Variants in CHD7 observed in about 807,000 individuals in gnomAD.
CHD7 encodes the protein ATP-dependent chromatin remodeler CHD7.
Under a neutral mutation model 307.3 loss-of-function variants are expected in CHD7, and 24 were observed. The observed-to-expected ratio is 0.08, with a 90% CI of 0.06 to 0.11. The LOEUF (loss-of-function observed/expected upper bound fraction) is 0.11, where lower values mean the gene tolerates loss of function less well. CHD7 is among the 10% of genes least tolerant of loss of function. The pLI is 1.00. For missense variants in CHD7, 3,106 were observed against 3,727.1 expected (o/e 0.83, Z 4.34); for synonymous variants, 1,363 against 1,349.9 (o/e 1.01, Z -0.21).
chr8:60,848,987 TA>T, intron 24 of CHD7, 63 bp from the exon 25 acceptor site: 2 of 1,231,548 alleles, frequency 1.6e-6, no homozygotes, highest in South Asian at 2.4e-5. Flanking sequence ...GTGAGCTATG[TA>T]TCACATTCAT....
rs369802331 is a variant in CHD7 at position 60,763,376 on chromosome 8, A to G, written c.1666-17624A>G. Among the ~76,000 whole-genome samples the G allele has an allele frequency of 6.6e-5, 10 of 152,252 alleles. No homozygotes were observed. In the East Asian group the frequency reaches 1.7e-3, roughly 26 times the overall value. Reference sequence around the variant, plus strand: ...CATTCCAGGTACTCAGTAGCCACACATGGCTGGTGGCTGCCACGTCAGACA... The same window carrying G: ...CATTCCAGGTACTCAGTAGCCACACGTGGCTGGTGGCTGCCACGTCAGACA... On this transcript the variant is annotated intron_variant, in intron 2 of 37. Transcript: ENST00000423902.
chr8:60,841,868 C>G lies in CHD7; in HGVS notation c.4666C>G (p.Pro1556Ala). ...NGRNNLVIDT[P>A]RVRKQTRLYS... ...TTAGAACAACCTGGTTATTGATACTCCAAGAGTGAGAAAGCAGACCAGGCT... is the reference window on the plus strand; with the variant it reads ...TTAGAACAACCTGGTTATTGATACTGCAAGAGTGAGAAAGCAGACCAGGCT... Residue 1556 changes from proline (P) to alanine (A), a missense_variant, in exon 21 of 38, where the codon CCA (proline) becomes GCA (alanine). Physicochemically the swap from Pro to Ala is conservative, Grantham distance 27. Transcript: ENST00000423902. The G allele has an allele frequency of 6.2e-7, 1 of 1,608,134 alleles. No individual in the cohort carries two copies. The highest frequency in any genetic ancestry group is 8.5e-7 in the Non-Finnish European group (1 of 1,176,750).
chr8:60,729,415 A>G (rs965560408), intron 1 of CHD7, among the ~76,000 whole-genome samples: 9 of 152,312 alleles, frequency 5.9e-5, no homozygotes, highest in East Asian at 3.9e-4. Context: ...GGAATTTGCT[A>G]TGTTTAGAGA....
intron 1 of CHD7, among the ~76,000 whole-genome samples, chr8:60,681,050 C>T (rs1425074913): frequency 6.6e-6 from 1 of 152,004 alleles, no homozygotes; most frequent in Non-Finnish European, 1.5e-5. Context: ...CCAGTTCTCT[C>T]TCGGTAAGGG....
chr8:60,696,924 C>T lies in CHD7; in HGVS notation c.-175+17842C>T, dbSNP rs62524913. 4.7e-3 allele frequency among the ~76,000 whole-genome samples: 707 copies of T among 150,638 alleles called. 5 individuals carry two copies. Among genetic ancestry groups the T allele is most frequent in the Admixed American group, 9.1e-3 (137 of 15,118 alleles). ...AGAAATTTTGTTTTACAGTAAGTTA[C>T]GTTTAATTGGAACCTCCCCCACTTT... On this transcript the variant is annotated intron_variant, in intron 1 of 37. Coordinates refer to ENST00000423902, the MANE Select transcript of CHD7 (RefSeq NM_017780.4).
At chr8:60,746,928 GT>G (rs1207996319) in intron 2 of CHD7, among the ~76,000 whole-genome samples, 1 of 152,134 alleles carries the variant, frequency 6.6e-6, no homozygotes, top group Non-Finnish European at 1.5e-5. Flanking sequence ...AATTAGAACA[GT>G]TTTTCTCAAA....
chr8:60,697,888 A>G (rs973355091), intron 1 of CHD7, among the ~76,000 whole-genome samples: 1 of 152,246 alleles, frequency 6.6e-6, no homozygotes, highest in African/African-American at 2.4e-5. Context: ...CGTAGAGTAC[A>G]GCATAGGTGG....
intron 1 of CHD7, among the ~76,000 whole-genome samples, chr8:60,725,499 C>G (rs1377714916): frequency 6.6e-6 from 1 of 152,010 alleles, no homozygotes; most frequent in Non-Finnish European, 1.5e-5. Flanking sequence ...TCACAGCATC[C>G]CTGGGAATGA....
intron 2 of CHD7, among the ~76,000 whole-genome samples, chr8:60,762,520 C>A (rs1810264517): frequency 6.6e-6 from 1 of 152,128 alleles, no homozygotes; most frequent in African/African-American, 2.4e-5. Context: ...TTTCTCACCT[C>A]TAACATGGGA....
chr8:60,731,387 T>C (rs1808450686), intron 1 of CHD7, among the ~76,000 whole-genome samples: 1 of 152,210 alleles, frequency 6.6e-6, no homozygotes, highest in Non-Finnish European at 1.5e-5. Context: ...CAGTGCCTGA[T>C]AAATGCTTAG....
At chr8:60,796,393 G>A (rs892084364) in intron 4 of CHD7, among the ~76,000 whole-genome samples, 7 of 152,072 alleles carry the variant, frequency 4.6e-5, no homozygotes, top group African/African-American at 1.7e-4. Context: ...GTGTTTTAAT[G>A]ATTTTGAGTT....
chr8:60,752,462 C>T (rs1031658591), intron 2 of CHD7, among the ~76,000 whole-genome samples: 2 of 152,210 alleles, frequency 1.3e-5, no homozygotes, highest in Admixed American at 1.3e-4. Flanking sequence ...GTTCTGGCCT[C>T]TTGCCAGCGG....
At chr8:60,689,620 C>T (rs1286370470) in intron 1 of CHD7, among the ~76,000 whole-genome samples, 2 of 152,216 alleles carry the variant, frequency 1.3e-5, no homozygotes, top group African/African-American at 2.4e-5. Context: ...CAACAAACAT[C>T]ATGATCTTAC....
Position 60,856,745 on chromosome 8 carries a change from C to G in CHD7, c.7465C>G (p.Leu2489Val). The change falls in exon 34 of 38, where the codon CTT (leucine) becomes GTT (valine). Residue 2489 changes from leucine (L) to valine (V), a missense_variant. Physicochemically the swap from Leu to Val is conservative, Grantham distance 32. This residue lies in a region of CHD7 where 1,030 missense variants were observed against 1,165.4 expected (regional missense o/e 0.88). Coordinates refer to ENST00000423902, the MANE Select transcript of CHD7 (RefSeq NM_017780.4). ...KTQMELLQAGLSRTPTRHLLN... is the reference protein window; with the variant it reads ...KTQMELLQAGVSRTPTRHLLN... ...TCAAATGGAACTGCTCCAAGCAGGC[C>G]TTTCGCGCACACCCACAAGGCATCT... The G allele has an allele frequency of 6.2e-7, 1 of 1,614,058 alleles. No homozygotes were observed. The highest frequency in any genetic ancestry group is 8.5e-7 in the Non-Finnish European group (1 of 1,179,898).
intron 19 of CHD7, among the ~76,000 whole-genome samples, chr8:60,840,860 T>C (rs1804942153): frequency 6.6e-6 from 1 of 151,926 alleles, no homozygotes; most frequent in Admixed American, 6.6e-5. Context: ...TCAAGCCATC[T>C]ACCCACCTCG....
At chr8:60,706,114 C>G (rs1311328203) in intron 1 of CHD7, among the ~76,000 whole-genome samples, 4 of 151,778 alleles carry the variant, frequency 2.6e-5, no homozygotes, top group African/African-American at 9.7e-5. Flanking sequence ...TTCCAAAGGA[C>G]ATGGAGAATC....
chr8:60,731,715 T>C (rs1586231358), intron 1 of CHD7, among the ~76,000 whole-genome samples: 1 of 152,240 alleles, frequency 6.6e-6, no homozygotes, highest in Non-Finnish European at 1.5e-5. Context: ...ACATTTGTTT[T>C]CTTCATTTTT....
rs1197816124 is a variant in CHD7 at position 60,743,229 on chromosome 8, G to A, written c.1665+132G>A. On this transcript the variant is annotated intron_variant, in intron 2 of 37. Coordinates refer to ENST00000423902, the MANE Select transcript of CHD7 (RefSeq NM_017780.4). ...AGTGCCTTAATTTTTATTTGTTATTGGCTTATGCATTTATTTTATTCAGGC... is the reference window on the plus strand; with the variant it reads ...AGTGCCTTAATTTTTATTTGTTATTAGCTTATGCATTTATTTTATTCAGGC... The A allele has an allele frequency of 1.5e-5, 12 of 777,848 alleles. 1 individual carries two copies. The South Asian group carries it at 1.8e-4, about 12-fold the overall frequency. The allele number at this position is 777,848 out of a possible 1,614,324, so 48.2% of individuals were successfully genotyped here. A position where few individuals can be genotyped will look rare whatever the true frequency, so the allele number is the denominator to read the frequency against.
rs527651999 is a variant in CHD7 at position 60,724,086 on chromosome 8, G to A, written c.-174-17173G>A. On this transcript the variant is annotated intron_variant, in intron 1 of 37. Transcript: ENST00000423902. ...AGGTCTCAAGTCTTTTAGCCCTCAT[G>A]TTCAATGATTCAGAGATTCTAGAGG... Among the ~76,000 whole-genome samples, 112 of 152,288 alleles carry A rather than the reference G, an allele frequency of 7.4e-4. 1 individual carries two copies. Among genetic ancestry groups the A allele is most frequent in the African/African-American group, 2.6e-3 (106 of 41,568 alleles).
Sources: allele counts gnomAD v4.1 joint callset (sites outside exome capture counted in the v4.1 genomes callset), GRCh38; gene constraint gnomAD v4.1.1; regional missense constraint gnomAD v4.1.1; transcripts MANE v1.5; gene names NCBI Gene and HGNC (gene_info 2026-07-23, HGNC 2026-07-21).